The following PDE4D variants were observed in gnomAD, a reference collection of about 807,000 sequenced individuals.
PDE4D encodes the protein 3',5'-cyclic-AMP phosphodiesterase 4D.
A neutral mutation model predicts 87.4 loss-of-function variants in PDE4D; 24 were observed. The observed-to-expected ratio is 0.27, with a 90% CI of 0.20 to 0.39. PDE4D has a LOEUF of 0.39. PDE4D is among the 10% of genes least tolerant of loss of function. The pLI, the probability that PDE4D is intolerant of heterozygous loss-of-function variation, is 1.00. For missense variants in PDE4D, 714 were observed against 1,041.0 expected, an observed-to-expected ratio of 0.69 and a Z score of 4.32; for synonymous variants, 384 against 383.2, an observed-to-expected ratio of 1.00 and a Z score of -0.02.
At chr5:60,159,182 C>T (rs1339133788) in intron 2 of PDE4D, among the ~76,000 whole-genome samples, 1 of 152,192 alleles carries the variant, frequency 6.6e-6, no homozygotes, top group Admixed American at 6.5e-5. Flanking sequence ...TCTTCTACCT[C>T]CACATCTTGT....
intron 5 of PDE4D, among the ~76,000 whole-genome samples, chr5:59,168,073 A>AAAAAC (rs974374767): frequency 3.9e-5 from 6 of 152,280 alleles, no homozygotes; most frequent in Non-Finnish European, 7.4e-5. Context: ...GGAACCACAA[A>AAAAAC]AAAACAAAAC....
intron 1 of PDE4D, among the ~76,000 whole-genome samples, chr5:59,669,168 T>A (rs894327633): frequency 2.0e-5 from 3 of 152,184 alleles, no homozygotes; most frequent in African/African-American, 7.2e-5. Context: ...CGATCTTGGC[T>A]CACTGCAACC....
intron 1 of PDE4D, among the ~76,000 whole-genome samples, chr5:59,495,648 A>G (rs1807039948): frequency 6.6e-6 from 1 of 152,136 alleles, no homozygotes; most frequent in African/African-American, 2.4e-5. Context: ...AGAGTTCCCG[A>G]AGCCAGGTTT....
chr5:60,495,823 A>G (rs2150240402), intron 1 of PDE4D, among the ~76,000 whole-genome samples: 1 of 152,344 alleles, frequency 6.6e-6, no homozygotes, highest in Admixed American at 6.5e-5. Flanking sequence ...ACAGCTCTGA[A>G]AAGATTACAC....
intron 2 of PDE4D, among the ~76,000 whole-genome samples, chr5:59,992,420 T>C (rs376542391): frequency 4.6e-5 from 7 of 152,182 alleles, no homozygotes; most frequent in African/African-American, 1.7e-4. Context: ...ACAAACTCCC[T>C]TTCACATATA....
intron 2 of PDE4D, among the ~76,000 whole-genome samples, chr5:60,056,675 T>C (rs191912729): frequency 4.1e-4 from 63 of 152,162 alleles, no homozygotes; most frequent in African/African-American, 1.4e-3. Flanking sequence ...CTCTCAGTCT[T>C]AAGCAACCTG....
Position 60,163,292 on chromosome 5 carries a change from C to T in PDE4D, c.42+22265G>A, listed in dbSNP as rs529362882. Among the ~76,000 whole-genome samples, 6 of 152,132 alleles carry T rather than the reference C, an allele frequency of 3.9e-5. No homozygotes were observed. In the East Asian group the frequency reaches 9.6e-4, roughly 24 times the overall value. ...TCCCTATTTTCTTGCCTATTTATTA[C>T]TCTATATTTTCATCTCTTGAGAAAG... is the stretch of plus-strand genomic sequence containing the variant. On this transcript the variant is annotated intron_variant, in intron 2 of 16. Coordinates refer to the PDE4D transcript ENST00000502484.
chr5:59,973,964 G>A (rs1761048157), intron 3 of PDE4D, among the ~76,000 whole-genome samples: 1 of 152,078 alleles, frequency 6.6e-6, no homozygotes, highest in Non-Finnish European at 1.5e-5. Context: ...CTATCAAATA[G>A]CCTTAAATAA....
At chr5:59,404,527 T>A (rs1369712407) in intron 1 of PDE4D, among the ~76,000 whole-genome samples, 1 of 151,978 alleles carries the variant, frequency 6.6e-6, no homozygotes, top group Non-Finnish European at 1.5e-5. Flanking sequence ...AGCATGGTGG[T>A]GTGCACCTAT....
At chr5:59,261,748 T>C (rs1408220941) in intron 1 of PDE4D, among the ~76,000 whole-genome samples, 1 of 151,756 alleles carries the variant, frequency 6.6e-6, no homozygotes, top group Non-Finnish European at 1.5e-5. Flanking sequence ...GAGAAAGAAA[T>C]CTGTTGGTTT....
intron 5 of PDE4D, among the ~76,000 whole-genome samples, chr5:59,143,637 T>C (rs554925078): frequency 2.0e-5 from 3 of 152,364 alleles, no homozygotes; most frequent in East Asian, 1.9e-4. Context: ...AATACAGTTT[T>C]GCAAAACATA....
At chr5:59,066,476 A>G (rs17777280) in intron 5 of PDE4D, among the ~76,000 whole-genome samples, 36,581 of 152,086 alleles carry the variant, frequency 0.24, 5,303 homozygotes, top group Middle Eastern at 0.36. Context: ...AAGCCTGCCC[A>G]CCATTTGTTA....
At position 59,277,099 on chromosome 5, in the gene PDE4D, T is replaced by C. The variant is rs927035138; in HGVS notation, c.456-61131A>G. ...TCTAGTCTGACGTGAACTTGGTGTT[T>C]ATTTAGCATTTGCAGACAGGATGTT... On this transcript the variant is annotated intron_variant, in intron 1 of 14. Transcript: ENST00000340635. Among the ~76,000 whole-genome samples the C allele has an allele frequency of 2.6e-5, 4 of 152,166 alleles. No individual in the cohort carries two copies. The East Asian group carries it at 5.8e-4, about 22-fold the overall frequency.
chr5:59,842,868 C>T (rs1581377867), intron 1 of PDE4D, among the ~76,000 whole-genome samples: 1 of 151,988 alleles, frequency 6.6e-6, no homozygotes, highest in African/African-American at 2.4e-5. Context: ...CTGCTTTTTT[C>T]CTTAATGATA....
chr5:59,835,475 T>G (rs1561739080), intron 1 of PDE4D, among the ~76,000 whole-genome samples: 3 of 152,062 alleles, frequency 2.0e-5, no homozygotes, highest in South Asian at 2.1e-4. Context: ...TGAACATGCC[T>G]TATCACTGGG....
chr5:58,975,654 T>A lies in PDE4D; in HGVS notation c.2013+3A>T. The A allele has an allele frequency of 2.5e-6, 4 of 1,587,656 alleles. No individual in the cohort carries two copies. Among genetic ancestry groups the A allele is most frequent in the Non-Finnish European group, 3.4e-6 (4 of 1,166,202 alleles). ...TCTGAAAGCTATACACTTCATGCAT[T>A]ACCTGTGATTTTTCCACGGAAGCAT... On this transcript the variant is annotated splice_donor_region_variant and intron_variant, in intron 14 of 14. Coordinates refer to ENST00000340635, the MANE Select transcript of PDE4D (RefSeq NM_001104631.2). This position sits in a 1 kb window ranked among gnomAD's most constrained non-coding sequence, Gnocchi z 4.2.
intron 6 of PDE4D, among the ~76,000 whole-genome samples, chr5:59,033,673 T>C (rs1276588937): frequency 3.9e-5 from 6 of 152,158 alleles, no homozygotes; most frequent in Admixed American, 6.5e-5. Context: ...TCTAGAAAAA[T>C]ACCAGTTTGT....
intron 2 of PDE4D, among the ~76,000 whole-genome samples, chr5:60,173,519 C>T (rs1410549974): frequency 6.6e-6 from 1 of 151,948 alleles, no homozygotes; most frequent in African/African-American, 2.4e-5. Flanking sequence ...AATTATTCCT[C>T]ACAAATAATG....
At chr5:59,418,473 C>T (rs998827658) in intron 1 of PDE4D, among the ~76,000 whole-genome samples, 3 of 152,148 alleles carry the variant, frequency 2.0e-5, no homozygotes, top group African/African-American at 4.8e-5. Flanking sequence ...GACCAAATGT[C>T]ATTTTATCTA....
Sources: allele counts gnomAD v4.1 joint callset (sites outside exome capture counted in the v4.1 genomes callset), GRCh38; gene constraint gnomAD v4.1.1; non-coding constraint Gnocchi (gnomAD v3.1); transcripts MANE v1.5; gene names NCBI Gene and HGNC (gene_info 2026-07-23, HGNC 2026-07-21).